Variants in PRRT4 observed in about 807,000 individuals in gnomAD.
PRRT4 encodes proline rich transmembrane protein 4.
A neutral mutation model predicts 55.6 loss-of-function variants in PRRT4; 59 were observed. That is an observed-to-expected ratio of 1.06 (90% CI 0.86 to 1.32). The LOEUF (loss-of-function observed/expected upper bound fraction) is 1.32. PRRT4 is among the 40% of genes most tolerant of loss of function. The probability of loss-of-function intolerance (pLI) is 0.00; values close to 1 mark genes in which losing one functional copy is unlikely to be tolerated. For synonymous variants in PRRT4, 606 were observed against 601.8 expected (o/e 1.01, Z -0.10); for missense variants, 1,217 against 1,222.0 (o/e 1.00, Z 0.06).
chr7:128,359,640 CT>C lies in PRRT4; in HGVS notation c.351del (p.Gly118ValfsTer36). ...GAGGAGGCCCGGGGCTTTGAGCCAC[CT>C]TCGGTGGAGCCCCACTCAGTGAGAG... is the stretch of plus-strand genomic sequence containing the variant. On this transcript the variant is annotated frameshift_variant, in exon 2 of 5. Transcript: ENST00000535159. LOFTEE classifies it high-confidence loss of function. 2.0e-5 allele frequency: 31 copies of C among 1,544,336 alleles called. No homozygotes were observed. Among genetic ancestry groups the C allele is most frequent in the Non-Finnish European group, 2.6e-5 (30 of 1,143,102 alleles).
chr7:128,351,453 C>A (rs776038934), exon 5 of PRRT4: 106 of 1,522,536 alleles, frequency 7.0e-5, no homozygotes, highest in Non-Finnish European at 8.8e-6. Flanking sequence ...CCGGGTTGGC[C>A]GCCGCGCCTT....
At position 128,358,538 on chromosome 7, in the gene PRRT4, T is replaced by TCTCTTC; in HGVS notation, c.877+142_877+143insGAAGAG. 1.3e-6 allele frequency: 1 copy of TCTCTTC among 774,102 alleles called. No homozygotes were observed. The highest frequency in any genetic ancestry group is 1.7e-5 in the South Asian group (1 of 58,236). 48.0% of individuals were successfully genotyped at this position (774,102 alleles called of 1,614,324 possible). A position where few individuals can be genotyped will look rare whatever the true frequency, so the allele number is the denominator to read the frequency against. ...TACTTTCTCTCAGACCATTCATATA[T>TCTCTTC]ATCTCCACGGTGATGATGAAGAGAA... On this transcript the variant is annotated intron_variant, in intron 4 of 4. Transcript: ENST00000535159. The surrounding 1 kb of genome is among the most constrained non-coding windows in gnomAD (Gnocchi z 4.4).
At chr7:128,355,786 C>G (rs1797099718) in intron 4 of PRRT4, among the ~76,000 whole-genome samples, 1 of 152,228 alleles carries the variant, frequency 6.6e-6, no homozygotes, top group South Asian at 2.1e-4. Context: ...AGCCCACGGT[C>G]TGCCCCAGCC....
Position 128,359,429 on chromosome 7 carries a change from G to A in PRRT4, c.563C>T (p.Ala188Val), listed in dbSNP as rs1397017438. Residue 188 changes from alanine (A) to valine (V), a missense_variant, in exon 2 of 5, where the codon GCA becomes GTA. Physicochemically the swap from Ala to Val is moderately conservative, Grantham distance 64. Coordinates refer to ENST00000535159, the Ensembl canonical transcript of PRRT4. ...CGTTCGATGCCCAAGCGTGGGGGCTGCACCTGCTCTCAGTGCCATGTCAAA... is the reference window on the plus strand; with the variant it reads ...CGTTCGATGCCCAAGCGTGGGGGCTACACCTGCTCTCAGTGCCATGTCAAA... 1 of 1,464,418 alleles carries A rather than the reference G, an allele frequency of 6.8e-7. No homozygotes were observed. The highest frequency in any genetic ancestry group is 2.8e-5 in the Admixed American group (1 of 35,586). 90.7% of individuals were successfully genotyped at this position (1,464,418 alleles called of 1,614,324 possible).
In PRRT4 at chr7:128,352,389, G is replaced by T. The variant is rs1293185054; in HGVS notation, c.1167C>A (p.Pro389=). ...AGGGGGCGCCGGGCGGGCACCGCCA[G>T]GGCAAGAGGGCCAGAGCCAGCAGCG... The change falls in exon 5 of 5, where the codon CCC becomes CCA. Residue 389 remains proline, a synonymous_variant. Coordinates refer to ENST00000535159, the Ensembl canonical transcript of PRRT4. 11 of 1,524,354 alleles carry T rather than the reference G, an allele frequency of 7.2e-6. 1 individual carries two copies. 94.4% of individuals were successfully genotyped at this position (1,524,354 alleles called of 1,614,324 possible). A position where few individuals can be genotyped will look rare whatever the true frequency, so the allele number is the denominator to read the frequency against.
chr7:128,351,854 C>A, exon 5 of PRRT4: 1 of 1,346,218 alleles, frequency 7.4e-7, no homozygotes, highest in Non-Finnish European at 9.5e-7. Context: ...CTCAGCAGCC[C>A]GAAGGTGCCC....
upstream of PRRT4, chr7:128,361,796 G>C (rs1041859491): frequency 6.6e-6 from 1 of 152,608 alleles, no homozygotes; most frequent in African/African-American, 2.4e-5. Context: ...CACCCGGGCG[G>C]GCAGGCAGGC....
At chr7:128,352,699 G>C (rs956367556) in intron 4 of PRRT4, 21 bp from the exon 6 acceptor site, 1 of 1,505,758 alleles carries the variant, frequency 6.6e-7, no homozygotes, top group East Asian at 2.5e-5. Flanking sequence ...AGAACGTTTG[G>C]CTTGAGGCAA....
rs553167970 is a variant in PRRT4, at chr7:128,358,326, A to G, written c.877+355T>C. On this transcript the variant is annotated intron_variant, in intron 4 of 4. Transcript: ENST00000535159. The surrounding 1 kb of genome is among the most constrained non-coding windows in gnomAD (Gnocchi z 4.4). Reference sequence around the variant, plus strand: ...TCAGATGGCAAAGGAAAGAGCCCCAAGGTTGGTGGGGAGTCAGGTCAGGCA... The same window carrying G: ...TCAGATGGCAAAGGAAAGAGCCCCAGGGTTGGTGGGGAGTCAGGTCAGGCA... Among the ~76,000 whole-genome samples the G allele has an allele frequency of 2.6e-5, 4 of 152,278 alleles. No individual in the cohort carries two copies. The highest frequency in any genetic ancestry group is 1.3e-4 in the Admixed American group (2 of 15,302).
At chr7:128,360,412 C>T (rs866124241) in intron 1 of PRRT4, among the ~76,000 whole-genome samples, 1 of 152,184 alleles carries the variant, frequency 6.6e-6, no homozygotes, top group Admixed American at 6.5e-5. Flanking sequence ...CAAGTCTTTA[C>T]GCAGGCTTAC....
intron 1 of PRRT4, among the ~76,000 whole-genome samples, chr7:128,360,677 C>G (rs913251182): frequency 3.3e-5 from 5 of 152,168 alleles, no homozygotes; most frequent in Admixed American, 1.3e-4. Context: ...CCGCCCCTCC[C>G]GTTTCCTGGG....
chr7:128,357,209 TAC>T lies in PRRT4; in HGVS notation c.877+1470_877+1471del, dbSNP rs763703914. Among the ~76,000 whole-genome samples, 197 of 127,264 alleles carry T rather than the reference TAC, an allele frequency of 1.5e-3. 1 individual carries two copies. Among genetic ancestry groups the T allele is most frequent in the African/African-American group, 5.7e-3 (193 of 33,802 alleles). 83.5% of individuals were successfully genotyped at this position (127,264 alleles called of 152,430 possible). A position where few individuals can be genotyped will look rare whatever the true frequency, so the allele number is the denominator to read the frequency against. On this transcript the variant is annotated intron_variant, in intron 4 of 4. Transcript: ENST00000535159. ...TTGTATGGTAACTGCTTGATACAAA[TAC>T]ACACACACACACACACACACACACA... is the stretch of plus-strand genomic sequence containing the variant.
chr7:128,351,511 C>A, exon 5 of PRRT4: 1 of 1,497,134 alleles, frequency 6.7e-7, no homozygotes, highest in Non-Finnish European at 8.9e-7. Flanking sequence ...TGGGCCTGGC[C>A]CTGCCAGCGC....
At position 128,358,699 on chromosome 7, in the gene PRRT4, T is replaced by A. The variant is rs1213087752; in HGVS notation, c.859A>T (p.Ile287Phe). 5 of 1,551,724 alleles carry A rather than the reference T, an allele frequency of 3.2e-6. No individual in the cohort carries two copies. The Admixed American group carries it at 9.8e-5, about 30-fold the overall frequency. Reference sequence around the variant, plus strand: ...TACTTACCTAATGATGTTGTTGCAATCGAGGCAAAACTTAGGGAAGCAGCT... The same window carrying A: ...TACTTACCTAATGATGTTGTTGCAAACGAGGCAAAACTTAGGGAAGCAGCT... The change falls in exon 4 of 5, where the codon ATT becomes TTT. Residue 287 changes from isoleucine to phenylalanine, a missense_variant. By Grantham distance (21) the Ile-to-Phe change is conservative. This residue lies in a region of PRRT4 where 564 missense variants were observed against 592.9 expected (regional missense o/e 0.95). Transcript: ENST00000535159. This position sits in a 1 kb window ranked among gnomAD's most constrained non-coding sequence, Gnocchi z 4.4.
At position 128,360,019 on chromosome 7, in the gene PRRT4, G is replaced by T. The variant is rs758485409; in HGVS notation, c.-28C>A. 568 of 1,303,028 alleles carry T rather than the reference G, an allele frequency of 4.4e-4. 9 individuals carry two copies. The highest frequency in any genetic ancestry group is 8.6e-5 in the Non-Finnish European group (88 of 1,017,940). 80.7% of individuals were successfully genotyped at this position (1,303,028 alleles called of 1,614,324 possible). On this transcript the variant is annotated 5_prime_UTR_variant, in exon 2 of 5. Transcript: ENST00000535159. ...CCCCACCTGGCTTCGGGTGGCCTTG[G>T]TGGGCAGGGACTCAGTTGTTCAGCA...
At chr7:128,360,396 G>A (rs1266625950) in intron 1 of PRRT4, among the ~76,000 whole-genome samples, 2 of 152,160 alleles carry the variant, frequency 1.3e-5, no homozygotes, top group Non-Finnish European at 2.9e-5. Flanking sequence ...TCCCTCTGCT[G>A]AGCCTCAAGT....
At chr7:128,352,460 G>A in exon 5 of PRRT4, 2 of 1,539,302 alleles carry the variant, frequency 1.3e-6, no homozygotes, top group Non-Finnish European at 1.7e-6. Flanking sequence ...CCGTACACGT[G>A]GGCCTCCCAG....
chr7:128,351,065 C>G (rs890008216), exon 5 of PRRT4: 1 of 1,549,202 alleles, frequency 6.5e-7, no homozygotes, highest in East Asian at 2.4e-5. Context: ...AGGACGCAGA[C>G]CAGAGGGCAG....
At chr7:128,355,810 C>T (rs1409161241) in intron 4 of PRRT4, among the ~76,000 whole-genome samples, 1 of 152,202 alleles carries the variant, frequency 6.6e-6, no homozygotes, top group East Asian at 1.9e-4. Flanking sequence ...CACCCCCTTA[C>T]CACACCCTCT....
Sources: allele counts gnomAD v4.1 joint callset (sites outside exome capture counted in the v4.1 genomes callset), GRCh38; gene constraint gnomAD v4.1.1; regional missense constraint gnomAD v4.1.1; non-coding constraint Gnocchi (gnomAD v3.1); transcripts MANE v1.5; gene names NCBI Gene and HGNC (gene_info 2026-07-23, HGNC 2026-07-21).